TENM4: variants seen among roughly 807,000 people sequenced by gnomAD.
The protein encoded by TENM4 is teneurin transmembrane protein 4, also known as teneurin-4.
TENM4 carries 82 observed loss-of-function variants against 243.3 expected under a neutral mutation model. The observed-to-expected ratio is 0.34, with a 90% CI of 0.28 to 0.40. The LOEUF (loss-of-function observed/expected upper bound fraction) is 0.40, where lower values mean the gene tolerates loss of function less well. TENM4 is among the 10% of genes least tolerant of loss of function. The probability of loss-of-function intolerance (pLI) is 1.00; values close to 1 mark genes in which losing one functional copy is unlikely to be tolerated. For missense variants in TENM4, 3,138 were observed against 3,673.3 expected (o/e 0.85, Z 3.77); for synonymous variants, 1,412 against 1,456.3 (o/e 0.97, Z 0.69).
intron 27 of TENM4, among the ~76,000 whole-genome samples, chr11:78,706,351 G>A (rs1196680090): frequency 1.3e-5 from 2 of 151,996 alleles, no homozygotes; most frequent in Non-Finnish European, 2.9e-5. Flanking sequence ...TTTGGGCCTG[G>A]GTTTGTCTCC....
chr11:79,091,008 G>A (rs1363055425), intron 4 of TENM4, among the ~76,000 whole-genome samples: 2 of 152,328 alleles, frequency 1.3e-5, no homozygotes, highest in East Asian at 1.9e-4. Context: ...ACTTGTGAGA[G>A]TCTGGAGGTA....
intron 19 of TENM4, among the ~76,000 whole-genome samples, chr11:78,740,822 T>C (rs938290937): frequency 6.6e-6 from 1 of 152,220 alleles, no homozygotes; most frequent in Admixed American, 6.5e-5. Context: ...CCTCCTCTGA[T>C]TGATCTCTCT....
intron 1 of TENM4, among the ~76,000 whole-genome samples, chr11:79,322,872 T>G (rs939925415): frequency 2.6e-5 from 4 of 152,222 alleles, no homozygotes; most frequent in African/African-American, 9.7e-5. Context: ...CTCTTGAGAA[T>G]CCTCATAAAA....
intron 6 of TENM4, among the ~76,000 whole-genome samples, chr11:78,951,150 T>A (rs73502617): frequency 0.016 from 2,499 of 152,348 alleles, 65 homozygotes; most frequent in African/African-American, 0.058. Context: ...ATGGCAGCCC[T>A]TCCTTCCTAG....
intron 1 of TENM4, among the ~76,000 whole-genome samples, chr11:79,374,972 C>T (rs1857863672): frequency 6.6e-6 from 1 of 152,166 alleles, no homozygotes; most frequent in Non-Finnish European, 1.5e-5. Context: ...CCACTTTGCC[C>T]TTTTTTCTGG....
At chr11:79,195,485 A>G (rs540247698) in intron 3 of TENM4, among the ~76,000 whole-genome samples, 23 of 152,302 alleles carry the variant, frequency 1.5e-4, no homozygotes, top group Admixed American at 8.5e-4. Context: ...AGACCATGGG[A>G]ACCCAGCTCT....
chr11:78,838,088 A>T (rs1275989394), intron 12 of TENM4, among the ~76,000 whole-genome samples: 1 of 152,182 alleles, frequency 6.6e-6, no homozygotes, highest in Non-Finnish European at 1.5e-5. Context: ...ATGGGATTGG[A>T]TATTAACTTG....
chr11:78,691,817 T>C (rs79139275), intron 28 of TENM4, among the ~76,000 whole-genome samples: 8 of 152,316 alleles, frequency 5.3e-5, no homozygotes, highest in Non-Finnish European at 1.0e-4. Context: ...GAGCAACCAA[T>C]TTATAAAATT....
intron 19 of TENM4, among the ~76,000 whole-genome samples, chr11:78,753,991 G>C (rs1194083920): frequency 6.6e-6 from 1 of 152,126 alleles, no homozygotes; most frequent in African/African-American, 2.4e-5. Flanking sequence ...TATAAAATTA[G>C]GTAAAATAGA....
chr11:79,378,347 G>A (rs1269118809), intron 1 of TENM4, among the ~76,000 whole-genome samples: 1 of 152,216 alleles, frequency 6.6e-6, no homozygotes, highest in Non-Finnish European at 1.5e-5. Flanking sequence ...TCTGGATGTG[G>A]GGATCACGCT....
At chr11:79,382,196 CG>C (rs1565323378) in intron 1 of TENM4, among the ~76,000 whole-genome samples, 3 of 152,128 alleles carry the variant, frequency 2.0e-5, no homozygotes, top group African/African-American at 7.2e-5. Flanking sequence ...CTCGTCTGGC[CG>C]GGCAGCCTTC....
chr11:78,747,037 C>T (rs184506293), intron 19 of TENM4, among the ~76,000 whole-genome samples: 54 of 152,210 alleles, frequency 3.5e-4, no homozygotes, highest in East Asian at 1.9e-3. Flanking sequence ...CAGGCAGAAA[C>T]GCAGCTAAGG....
intron 4 of TENM4, among the ~76,000 whole-genome samples, chr11:79,142,041 G>A (rs903303313): frequency 6.6e-6 from 1 of 151,944 alleles, no homozygotes; most frequent in African/African-American, 2.4e-5. Context: ...ATATTGAGTG[G>A]GGAAAAACTA....
At chr11:78,885,916 C>T (rs551255425) in intron 9 of TENM4, among the ~76,000 whole-genome samples, 1 of 152,054 alleles carries the variant, frequency 6.6e-6, no homozygotes, top group Non-Finnish European at 1.5e-5. Flanking sequence ...CAGAGTGAGA[C>T]CCCCATCTCT....
Position 78,863,180 on chromosome 11 carries a change from A to T in TENM4, c.1085-48T>A, listed in dbSNP as rs1383223817. The stretch of plus-strand genomic sequence containing the variant: ...TCATCTTTTTCTGCTGGAGGCAGAA[A>T]CGGGACTCCCAAGCCATAAGGGAAA... On this transcript the variant is annotated intron_variant, in intron 9 of 33. Transcript: ENST00000278550. 4.9e-6 allele frequency: 7 copies of T among 1,440,940 alleles called. No homozygotes were observed. In the East Asian group the frequency reaches 1.8e-4, roughly 38 times the overall value. 89.3% of individuals were successfully genotyped at this position (1,440,940 alleles called of 1,614,324 possible).
chr11:79,231,755 T>C (rs1864377644), intron 2 of TENM4, among the ~76,000 whole-genome samples: 1 of 152,180 alleles, frequency 6.6e-6, no homozygotes, highest in Admixed American at 6.5e-5. Flanking sequence ...GGAACATTAG[T>C]CCTGAGTGCA....
intron 18 of TENM4, among the ~76,000 whole-genome samples, chr11:78,769,365 G>A (rs1193718191): frequency 2.6e-5 from 4 of 152,064 alleles, no homozygotes; most frequent in African/African-American, 4.8e-5. Context: ...TTTCCTTTCC[G>A]GGAAACCGCT....
intron 4 of TENM4, among the ~76,000 whole-genome samples, chr11:79,137,879 A>T (rs1401201270): frequency 6.6e-6 from 1 of 152,032 alleles, no homozygotes; most frequent in Non-Finnish European, 1.5e-5. Flanking sequence ...ATTATGTATG[A>T]TCTCAAGAGA....
At chr11:78,790,718 AG>A (rs1294207346) in intron 15 of TENM4, among the ~76,000 whole-genome samples, 2 of 152,234 alleles carry the variant, frequency 1.3e-5, no homozygotes, top group Non-Finnish European at 2.9e-5. Flanking sequence ...AGAACAGGCA[AG>A]GAACACTGAC....
Sources: gnomAD v4.1 joint callset for allele counts (sites outside exome capture counted in the v4.1 genomes callset) on GRCh38, gnomAD v4.1.1 for gene constraint, MANE v1.5 for transcripts, NCBI Gene and HGNC (gene_info 2026-07-23, HGNC 2026-07-21) for gene names.